Variants in TRHDE observed in about 807,000 individuals in gnomAD.
TRHDE encodes thyrotropin releasing hormone degrading enzyme, also known as thyrotropin-releasing hormone-degrading ectoenzyme.
A neutral mutation model predicts 125.7 loss-of-function variants in TRHDE; 72 were observed. The ratio of observed to expected loss-of-function variants is 0.57; its 90% CI spans 0.47 to 0.70. The LOEUF (loss-of-function observed/expected upper bound fraction) is 0.70, where lower values mean the gene tolerates loss of function less well. Among genes scored for constraint, TRHDE ranks in the 30% least tolerant of loss-of-function variants. The probability of loss-of-function intolerance (pLI) is 0.00; values close to 1 mark genes in which losing one functional copy is unlikely to be tolerated. For missense variants in TRHDE, 1,110 were observed against 1,327.1 expected, an observed-to-expected ratio of 0.84 and a Z score of 2.54; for synonymous variants, 509 against 509.1, an observed-to-expected ratio of 1.00 and a Z score of 0.00.
At chr12:72,503,762 C>G (rs1001411779) in intron 6 of TRHDE, among the ~76,000 whole-genome samples, 18 of 152,312 alleles carry the variant, frequency 1.2e-4, no homozygotes, top group African/African-American at 4.3e-4. Flanking sequence ...ATACGGGCCT[C>G]AATCTTGTGA....
At position 72,174,506 on chromosome 12, in the gene TRHDE, T is replaced by C. The variant is rs61924315; in HGVS notation, n.279+68754T>C. On this transcript the variant is annotated intron_variant and non_coding_transcript_variant, in intron 2 of 4. Transcript: ENST00000548156. ...ATATCATTTTTTTCTTCCCAATTCA[T>C]GTTCCAATCCAGATTTATGCTCTAC... 7.1e-3 allele frequency among the ~76,000 whole-genome samples: 1,089 copies of C among 152,354 alleles called. 9 individuals are homozygous for C. The highest frequency in any genetic ancestry group is 0.012 in the Non-Finnish European group (846 of 68,030).
chr12:72,406,808 C>G (rs17111129), intron 3 of TRHDE, among the ~76,000 whole-genome samples: 2,125 of 152,234 alleles, frequency 0.014, 17 homozygotes, highest in Middle Eastern at 0.048. Context: ...GCCTTCTCAC[C>G]ATAGCATTGC....
At chr12:72,363,797 A>G (rs1871225290) in intron 2 of TRHDE, among the ~76,000 whole-genome samples, 1 of 152,052 alleles carries the variant, frequency 6.6e-6, no homozygotes, top group Non-Finnish European at 1.5e-5. Flanking sequence ...AAGGAAATAA[A>G]GGGTATTCAA....
At chr12:72,424,017 T>C (rs1171437116) in intron 3 of TRHDE, among the ~76,000 whole-genome samples, 1 of 152,174 alleles carries the variant, frequency 6.6e-6, no homozygotes, top group African/African-American at 2.4e-5. Context: ...TACCACAAAC[T>C]GGATAACCAC....
At chr12:72,223,319 A>G (rs1248525771) in intron 2 of TRHDE, among the ~76,000 whole-genome samples, 1 of 152,074 alleles carries the variant, frequency 6.6e-6, no homozygotes, top group Admixed American at 6.6e-5. Context: ...GGACATCTGG[A>G]GATTTATTTT....
At chr12:72,300,664 T>C (rs1411836530) in intron 2 of TRHDE, among the ~76,000 whole-genome samples, 1 of 151,536 alleles carries the variant, frequency 6.6e-6, no homozygotes, top group Non-Finnish European at 1.5e-5. Context: ...AGTATGTATA[T>C]ACACACACAC....
chr12:72,597,166 G>T (rs1871975416), intron 12 of TRHDE, among the ~76,000 whole-genome samples: 1 of 152,166 alleles, frequency 6.6e-6, no homozygotes, highest in Admixed American at 6.5e-5. Context: ...GAGAACATAA[G>T]TGTCTCTAGT....
intron 2 of TRHDE, among the ~76,000 whole-genome samples, chr12:72,240,653 T>C (rs1172256158): frequency 6.6e-6 from 1 of 151,882 alleles, no homozygotes; most frequent in East Asian, 1.9e-4. Context: ...CACTGCAAGC[T>C]CCGCCTCCCA....
chr12:72,553,908 G>A (rs1869799298), intron 7 of TRHDE, among the ~76,000 whole-genome samples: 1 of 145,634 alleles, frequency 6.9e-6, no homozygotes, highest in Non-Finnish European at 1.5e-5. Context: ...GAGTACAATG[G>A]TACAACCTCA....
intron 2 of TRHDE, among the ~76,000 whole-genome samples, chr12:72,298,532 A>G (rs556491844): frequency 2.0e-5 from 3 of 152,260 alleles, no homozygotes; most frequent in Admixed American, 6.5e-5. Flanking sequence ...ACTTTAAAGA[A>G]CTGTTTTTGG....
intron 3 of TRHDE, among the ~76,000 whole-genome samples, chr12:72,457,424 T>G (rs1875910609): frequency 3.3e-5 from 5 of 152,150 alleles, no homozygotes; most frequent in Admixed American, 2.6e-4. Flanking sequence ...AAATTCACAG[T>G]GAATTTCAGT....
At chr12:72,475,346 ATG>A (rs1297640098) in intron 5 of TRHDE, among the ~76,000 whole-genome samples, 1 of 152,084 alleles carries the variant, frequency 6.6e-6, no homozygotes, top group Admixed American at 6.5e-5. Flanking sequence ...ATTACAAGTG[ATG>A]TGTTATGCAT....
intron 2 of TRHDE, among the ~76,000 whole-genome samples, chr12:72,201,675 T>C (rs1230645337): frequency 2.6e-5 from 4 of 151,996 alleles, no homozygotes; most frequent in Non-Finnish European, 5.9e-5. Context: ...GAGTGAAGCA[T>C]GCTGGGAGGG....
chr12:72,249,996 G>T (rs1004800636), intron 2 of TRHDE, among the ~76,000 whole-genome samples: 1 of 152,086 alleles, frequency 6.6e-6, no homozygotes, highest in East Asian at 1.9e-4. Flanking sequence ...CTGATAAGAA[G>T]AACTGCATAA....
chr12:72,343,238 G>A (rs540847998), intron 2 of TRHDE, among the ~76,000 whole-genome samples: 12 of 152,076 alleles, frequency 7.9e-5, no homozygotes, highest in African/African-American at 2.6e-4. Context: ...ATTGGGTATT[G>A]GTGCCAGGGA....
intron 2 of TRHDE, among the ~76,000 whole-genome samples, chr12:72,319,736 C>G (rs547926621): frequency 2.0e-5 from 3 of 152,106 alleles, no homozygotes; most frequent in African/African-American, 7.2e-5. Flanking sequence ...ATAATAAGAA[C>G]CATTGTTTAT....
At chr12:72,465,286 C>T (rs760049006) in intron 3 of TRHDE, among the ~76,000 whole-genome samples, 1 of 151,776 alleles carries the variant, frequency 6.6e-6, no homozygotes, top group Non-Finnish European at 1.5e-5. Flanking sequence ...AGTTTGGTGC[C>T]TTAACACATG....
intron 9 of TRHDE, among the ~76,000 whole-genome samples, chr12:72,564,617 GGTTT>G (rs1870342161): frequency 7.1e-6 from 1 of 141,486 alleles, no homozygotes; most frequent in East Asian, 2.1e-4. Context: ...CAGCTTTGTC[GGTTT>G]GTCTTCTGGA....
chr12:72,151,364 T>C (rs1423740869), intron 2 of TRHDE, among the ~76,000 whole-genome samples: 2 of 152,200 alleles, frequency 1.3e-5, no homozygotes, highest in Non-Finnish European at 2.9e-5. Flanking sequence ...ACGCTGATGG[T>C]AGTTTCTTTT....
Sources: gnomAD v4.1 joint callset for allele counts (sites outside exome capture counted in the v4.1 genomes callset) on GRCh38, gnomAD v4.1.1 for gene constraint, MANE v1.5 for transcripts, NCBI Gene and HGNC (gene_info 2026-07-23, HGNC 2026-07-21) for gene names.